Variants in SLC15A5 observed in about 807,000 individuals in gnomAD.
The protein encoded by SLC15A5 is Peptide/histidine transporter ENSP00000340402.
Under a neutral mutation model 56.1 loss-of-function variants are expected in SLC15A5, and 58 were observed. The ratio of observed to expected loss-of-function variants is 1.03; its 90% CI spans 0.84 to 1.29. The LOEUF (loss-of-function observed/expected upper bound fraction) is 1.29. SLC15A5 is among the 50% of genes most tolerant of loss of function. The pLI, the probability that SLC15A5 is intolerant of heterozygous loss-of-function variation, is 0.00. For missense variants in SLC15A5, 681 were observed against 672.1 expected, an observed-to-expected ratio of 1.01 and a Z score of -0.15; for synonymous variants, 264 against 250.5, an observed-to-expected ratio of 1.05 and a Z score of -0.51.
intron 7 of SLC15A5, among the ~76,000 whole-genome samples, chr12:16,212,078 A>T (rs936028409): frequency 6.6e-6 from 1 of 152,138 alleles, no homozygotes; most frequent in Non-Finnish European, 1.5e-5. Flanking sequence ...ACTAAATGAA[A>T]TGCTGAAGGA....
intron 1 of SLC15A5, 91 bp from the exon 2 acceptor site, chr12:16,272,874 C>A (rs546428566): frequency 9.0e-7 from 1 of 1,116,434 alleles, no homozygotes; most frequent in Non-Finnish European, 1.3e-6. Context: ...CTGACAGTGG[C>A]ATCATTTTGT....
At chr12:16,195,890 A>T (rs867116816) in intron 7 of SLC15A5, among the ~76,000 whole-genome samples, 13 of 152,118 alleles carry the variant, frequency 8.5e-5, no homozygotes, top group African/African-American at 3.1e-4. Flanking sequence ...ATTACTATGG[A>T]TCAGCAATGA....
At chr12:16,198,741 A>G (rs750254949) in intron 7 of SLC15A5, among the ~76,000 whole-genome samples, 1 of 152,188 alleles carries the variant, frequency 6.6e-6, no homozygotes, top group Non-Finnish European at 1.5e-5. Flanking sequence ...AGCAATTTAC[A>G]CTAAATTTAA....
chr12:16,206,938 A>G (rs1630676), intron 7 of SLC15A5, among the ~76,000 whole-genome samples: 152,188 of 152,236 alleles, frequency 1, 76,071 homozygotes, highest in Non-Finnish European at 1. Context: ...AGCATTGGGA[A>G]GTAAAAACCC....
chr12:16,230,917 C>T (rs7305844), intron 5 of SLC15A5, among the ~76,000 whole-genome samples: 80,800 of 150,352 alleles, frequency 0.54, 21,987 homozygotes, highest in South Asian at 0.74. Flanking sequence ...AGCAAGACTC[C>T]GTCTCAAAAA....
At chr12:16,229,647 T>TACACATACAC (rs1864275789) in intron 5 of SLC15A5, among the ~76,000 whole-genome samples, 1 of 144,288 alleles carries the variant, frequency 6.9e-6, no homozygotes, top group Non-Finnish European at 1.5e-5. Context: ...CACACACACA[T>TACACATACAC]ACACACACAC....
intron 5 of SLC15A5, among the ~76,000 whole-genome samples, chr12:16,226,749 G>T (rs1864245658): frequency 6.6e-6 from 1 of 152,104 alleles, no homozygotes; most frequent in Non-Finnish European, 1.5e-5. Context: ...TTATCTAGAA[G>T]TTTTTTGTTG....
chr12:16,266,052 G>C (rs1288635274), intron 2 of SLC15A5, among the ~76,000 whole-genome samples: 1 of 152,142 alleles, frequency 6.6e-6, no homozygotes, highest in Non-Finnish European at 1.5e-5. Context: ...GAAAGTGATA[G>C]AACATGGAAC....
Position 16,224,452 on chromosome 12 carries a change from A to G in SLC15A5, c.1313T>C (p.Val438Ala). Residue 438 changes from valine to alanine, a missense_variant, in exon 6 of 9, where the codon GTT becomes GCT. Physicochemically the swap from Val to Ala is moderately conservative, Grantham distance 64. Coordinates refer to ENST00000344941, the MANE Select transcript of SLC15A5 (RefSeq NM_001170798.1). Reference protein sequence around the residue: ...MPCFYLILQYVLLGVAETLVN... With the variant: ...MPCFYLILQYALLGVAETLVN... ...CAGTGTTTCCGCCACTCCAAGTAAA[A>G]CATACTGAAGAATCAGGTAGAAACA... is the stretch of plus-strand genomic sequence containing the variant. 6.5e-7 allele frequency: 1 copy of G among 1,537,312 alleles called. No homozygotes were observed. Among genetic ancestry groups the G allele is most frequent in the Non-Finnish European group, 8.7e-7 (1 of 1,146,912 alleles).
chr12:16,194,552 A>G, intron 7 of SLC15A5, 99 bp from the exon 8 acceptor site: 1 of 725,732 alleles, frequency 1.4e-6, no homozygotes, highest in Non-Finnish European at 2.1e-6. Flanking sequence ...TCGCTTCAGT[A>G]ATATCCACAA....
At chr12:16,258,990 C>CTTTTTTTTT (rs35905307) in intron 2 of SLC15A5, among the ~76,000 whole-genome samples, 1 of 118,534 alleles carries the variant, frequency 8.4e-6, no homozygotes, top group Non-Finnish European at 1.7e-5. Context: ...TCTTCTTTTT[C>CTTTTTTTTT]TTTTTTTTTT....
Position 16,196,116 on chromosome 12 carries a change from C to T in SLC15A5, c.1484-1663G>A, listed in dbSNP as rs1292260195. 4.0e-5 allele frequency among the ~76,000 whole-genome samples: 6 copies of T among 151,800 alleles called. No homozygotes were observed. ...TATATTTTCAGTATTTAGATCAGTG[C>T]CTGACAAATAGGGATTATTTGGCAA... On this transcript the variant is annotated intron_variant, in intron 7 of 8. Coordinates refer to ENST00000344941, the MANE Select transcript of SLC15A5 (RefSeq NM_001170798.1). This position sits in a 1 kb window ranked among gnomAD's most constrained non-coding sequence, Gnocchi z 4.0.
rs1409949258 is a variant in SLC15A5 at position 16,243,872 on chromosome 12, A to T, written c.975+708T>A. Among the ~76,000 whole-genome samples the T allele has an allele frequency of 1.3e-5, 2 of 152,202 alleles. No individual in the cohort carries two copies. The highest frequency in any genetic ancestry group is 1.9e-4 in the East Asian group (1 of 5,200). The stretch of plus-strand genomic sequence containing the variant: ...TATTATTCTATGATTTCTAAATGTA[A>T]CTCATTCATGAGTCTTCTAAATTCC... On this transcript the variant is annotated intron_variant, in intron 4 of 8. Transcript: ENST00000344941. The surrounding 1 kb of genome is among the most constrained non-coding windows in gnomAD (Gnocchi z 4.4).
intron 2 of SLC15A5, among the ~76,000 whole-genome samples, chr12:16,265,092 G>C (rs1445176248): frequency 6.6e-6 from 1 of 152,090 alleles, no homozygotes; most frequent in African/African-American, 2.4e-5. Flanking sequence ...ATTGAGCAGG[G>C]GTCTCATATG....
chr12:16,191,010 A>G (rs1015430677), intron 8 of SLC15A5, among the ~76,000 whole-genome samples: 5 of 152,178 alleles, frequency 3.3e-5, no homozygotes, highest in African/African-American at 1.2e-4. Context: ...AATGTGGGAT[A>G]GAATACATAT....
At chr12:16,230,298 G>C (rs1171580191) in intron 5 of SLC15A5, among the ~76,000 whole-genome samples, 1 of 152,168 alleles carries the variant, frequency 6.6e-6, no homozygotes, top group Admixed American at 6.5e-5. Context: ...ATGAAATTGA[G>C]AGGATAGAGA....
chr12:16,218,425 A>G (rs1864152215), intron 6 of SLC15A5, among the ~76,000 whole-genome samples: 1 of 152,156 alleles, frequency 6.6e-6, no homozygotes, highest in Non-Finnish European at 1.5e-5. Flanking sequence ...TGGCTTAATG[A>G]GGGAGATATG....
intron 3 of SLC15A5, among the ~76,000 whole-genome samples, chr12:16,256,950 A>ATAGATAGATAGT (rs1166047909): frequency 3.1e-4 from 44 of 142,338 alleles, no homozygotes; most frequent in African/African-American, 9.0e-4. Context: ...AGATAGATAG[A>ATAGATAGATAGT]TAGTTTCTGG....
chr12:16,216,851 A>G, intron 7 of SLC15A5, 42 bp downstream of exon 7: 1 of 1,495,726 alleles, frequency 6.7e-7, no homozygotes, highest in Non-Finnish European at 8.9e-7. Context: ...TTCCCTAGTC[A>G]TCAACTCAAT....
Sources: gnomAD v4.1 joint callset for allele counts (sites outside exome capture counted in the v4.1 genomes callset) on GRCh38, gnomAD v4.1.1 for gene constraint, Gnocchi (gnomAD v3.1) non-coding constraint, MANE v1.5 for transcripts, NCBI Gene and HGNC (gene_info 2026-07-23, HGNC 2026-07-21) for gene names.